Variants in DAB1 observed in about 807,000 individuals in gnomAD.
DAB1 encodes the protein DAB adaptor protein 1.
DAB1 carries 15 observed loss-of-function variants against 64.6 expected under a neutral mutation model. The observed-to-expected ratio is 0.23, with a 90% CI of 0.16 to 0.36. The LOEUF (loss-of-function observed/expected upper bound fraction) is 0.36. Ranked by LOEUF, DAB1 falls within the 10% of genes least tolerant of loss-of-function variation. DAB1 has a pLI of 1.00. For synonymous variants in DAB1, 235 were observed against 251.9 expected, an observed-to-expected ratio of 0.93 and a Z score of 0.64; for missense variants, 596 against 706.7, an observed-to-expected ratio of 0.84 and a Z score of 1.78.
Position 57,677,584 on chromosome 1 carries a change from T to C in DAB1, n.552-27919A>G, listed in dbSNP as rs186589247. ...CAGTAGCATTCATACCACGTGGCAA[T>C]GATCTGTTTTCCCCACAAAACCATG... On this transcript the variant is annotated intron_variant and non_coding_transcript_variant, in intron 6 of 20. Coordinates refer to the DAB1 transcript ENST00000485760. Among the ~76,000 whole-genome samples, 190 of 152,298 alleles carry C rather than the reference T, an allele frequency of 1.2e-3. 2 individuals are homozygous for C. The highest frequency in any genetic ancestry group is 4.2e-3 in the African/African-American group (175 of 41,568).
At chr1:57,398,978 C>G (rs529256312) in intron 1 of DAB1, among the ~76,000 whole-genome samples, 2 of 152,176 alleles carry the variant, frequency 1.3e-5, no homozygotes, top group Admixed American at 1.3e-4. Context: ...AAATGCAGTC[C>G]GACTCCTGGC....
In DAB1 at chr1:57,797,081, C is replaced by T. The variant is rs116398872; in HGVS notation, n.551+86918G>A. 2.7e-3 allele frequency among the ~76,000 whole-genome samples: 415 copies of T among 152,304 alleles called. 2 individuals are homozygous for T. Among genetic ancestry groups the T allele is most frequent in the African/African-American group, 9.3e-3 (386 of 41,556 alleles). ...TGAGGAATGAATGAAAATAAAAACA[C>T]GGTGCCATCAATATATTTCCCATTA... On this transcript the variant is annotated intron_variant and non_coding_transcript_variant, in intron 6 of 20. Transcript: ENST00000485760.
At chr1:57,125,595 G>C (rs546853673) in intron 4 of DAB1, among the ~76,000 whole-genome samples, 1 of 152,068 alleles carries the variant, frequency 6.6e-6, no homozygotes, top group Non-Finnish European at 1.5e-5. Context: ...CAAGTTAGAT[G>C]GATGGGTAAA....
chr1:57,311,019 T>C (rs527252103), intron 1 of DAB1, among the ~76,000 whole-genome samples: 84 of 151,598 alleles, frequency 5.5e-4, no homozygotes, highest in African/African-American at 2.0e-3. Context: ...AGATAGATGA[T>C]AGACAGACAG....
In DAB1 at chr1:57,038,281, C is replaced by T. The variant is rs997738117; in HGVS notation, c.724-12238G>A. On this transcript the variant is annotated intron_variant, in intron 9 of 14. Coordinates refer to ENST00000371236, the MANE Select transcript of DAB1 (RefSeq NM_001365792.1). ...ATCAAATTCAGTTTGCAAAAGCAGC[C>T]GACTTCTTCTAGCTATAAGAGGTTT... Among the ~76,000 whole-genome samples the T allele has an allele frequency of 4.6e-5, 7 of 152,202 alleles. No homozygotes were observed. The East Asian group carries it at 1.2e-3, about 25-fold the overall frequency.
intron 4 of DAB1, among the ~76,000 whole-genome samples, chr1:57,090,660 G>A (rs982092668): frequency 3.9e-5 from 6 of 152,142 alleles, no homozygotes; most frequent in East Asian, 1.9e-4. Flanking sequence ...GGCTAGATCC[G>A]AATTCCTATC....
chr1:57,816,494 T>G (rs706409), intron 6 of DAB1, among the ~76,000 whole-genome samples: 47,409 of 152,128 alleles, frequency 0.31, 8,734 homozygotes, highest in Admixed American at 0.46. Flanking sequence ...CACAGTCCAG[T>G]CAAACAGTCC....
chr1:58,072,572 A>C (rs1010686747), intron 5 of DAB1, among the ~76,000 whole-genome samples: 1 of 152,172 alleles, frequency 6.6e-6, no homozygotes, highest in African/African-American at 2.4e-5. Flanking sequence ...AGTAGGAATC[A>C]AGTCAGATAG....
At chr1:57,458,056 C>T (rs1364327960) in intron 7 of DAB1, among the ~76,000 whole-genome samples, 1 of 152,104 alleles carries the variant, frequency 6.6e-6, no homozygotes, top group Non-Finnish European at 1.5e-5. Flanking sequence ...TATCTTGCCT[C>T]CTTAATAAAT....
chr1:57,970,243 T>G (rs979151940), intron 5 of DAB1, among the ~76,000 whole-genome samples: 1 of 152,146 alleles, frequency 6.6e-6, no homozygotes, highest in Non-Finnish European at 1.5e-5. Context: ...ACAAAGACTA[T>G]AGTCAATAAA....
At chr1:57,860,277 C>G (rs532615185) in intron 1 of DAB1, among the ~76,000 whole-genome samples, 6 of 152,290 alleles carry the variant, frequency 3.9e-5, no homozygotes, top group South Asian at 2.1e-4. Context: ...TTGAGACACT[C>G]ATATGAAGTA....
At chr1:58,516,135 T>TC (rs1451055331) in intron 2 of DAB1, among the ~76,000 whole-genome samples, 2 of 152,250 alleles carry the variant, frequency 1.3e-5, no homozygotes, top group Middle Eastern at 3.4e-3. Flanking sequence ...TATCCCCTTT[T>TC]CCCTCACATT....
At chr1:57,880,573 G>C (rs928621382) in intron 1 of DAB1, 2 of 152,048 alleles carry the variant, frequency 1.3e-5, no homozygotes, top group Non-Finnish European at 2.9e-5. Flanking sequence ...CTTGTTCTCC[G>C]TTATCCCAGT....
At chr1:57,504,229 A>C (rs1172922703) in intron 7 of DAB1, among the ~76,000 whole-genome samples, 9 of 152,170 alleles carry the variant, frequency 5.9e-5, no homozygotes, top group Admixed American at 5.9e-4. Context: ...GTGACATTAA[A>C]ATTTTTCCAT....
chr1:58,228,098 T>C (rs137953139), intron 4 of DAB1, among the ~76,000 whole-genome samples: 126 of 152,276 alleles, frequency 8.3e-4, no homozygotes, highest in African/African-American at 2.6e-3. Context: ...GAGCTTGGTA[T>C]CCGAGATGAA....
chr1:58,476,487 G>A (rs1467786501), intron 3 of DAB1, among the ~76,000 whole-genome samples: 1 of 152,172 alleles, frequency 6.6e-6, no homozygotes, highest in Non-Finnish European at 1.5e-5. Flanking sequence ...AATGTAAAAG[G>A]AGGTCTGGGT....
At chr1:58,508,971 C>T (rs922380223) in intron 2 of DAB1, among the ~76,000 whole-genome samples, 5 of 152,084 alleles carry the variant, frequency 3.3e-5, no homozygotes, top group Admixed American at 6.6e-5. Context: ...ATGGACCAGA[C>T]AGGACCCTAG....
At chr1:57,406,580 G>A (rs772342063) in intron 1 of DAB1, among the ~76,000 whole-genome samples, 2 of 152,170 alleles carry the variant, frequency 1.3e-5, no homozygotes, top group Non-Finnish European at 2.9e-5. Context: ...TAATGGCACT[G>A]AGGTAGCCAT....
At chr1:57,728,374 A>G (rs1295884948) in intron 6 of DAB1, among the ~76,000 whole-genome samples, 1 of 152,162 alleles carries the variant, frequency 6.6e-6, no homozygotes, top group Non-Finnish European at 1.5e-5. Context: ...CAGGCAGATC[A>G]TGAGGTCAGG....
Sources: gnomAD v4.1 joint callset for allele counts (sites outside exome capture counted in the v4.1 genomes callset) on GRCh38, gnomAD v4.1.1 for gene constraint, MANE v1.5 for transcripts, NCBI Gene and HGNC (gene_info 2026-07-23, HGNC 2026-07-21) for gene names.